The following EIF4G3 variants were observed in gnomAD, a reference collection of about 807,000 sequenced individuals.
EIF4G3 encodes eIF-4-gamma 3.
In EIF4G3, 34 loss-of-function variants were observed where a neutral mutation model predicts 186.4. The ratio of observed to expected loss-of-function variants is 0.18; its 90% CI spans 0.14 to 0.24. The LOEUF is 0.24. EIF4G3 is among the 10% of genes least tolerant of loss of function. The probability of loss-of-function intolerance (pLI) is 1.00; values close to 1 mark genes in which losing one functional copy is unlikely to be tolerated. For missense variants in EIF4G3, 1,536 were observed against 1,948.5 expected (o/e 0.79, Z 3.99); for synonymous variants, 673 against 679.5 (o/e 0.99, Z 0.15).
chr1:21,074,557 A>C (rs755559867), intron 3 of EIF4G3, among the ~76,000 whole-genome samples: 14 of 152,178 alleles, frequency 9.2e-5, no homozygotes, highest in Non-Finnish European at 1.9e-4. Flanking sequence ...ATATACATAA[A>C]TCTTCTTACA....
chr1:20,892,574 T>A, intron 18 of EIF4G3: 1 of 1,265,812 alleles, frequency 7.9e-7, no homozygotes, highest in Non-Finnish European at 1.1e-6. Context: ...GAAAATATTA[T>A]AACACCAGAG....
chr1:21,139,662 C>A (rs1206181156), intron 2 of EIF4G3, among the ~76,000 whole-genome samples: 1 of 152,146 alleles, frequency 6.6e-6, no homozygotes, highest in African/African-American at 2.4e-5. Context: ...TATGGTATAT[C>A]TAAAACTAAA....
At chr1:21,071,801 G>A (rs1463038089) in intron 3 of EIF4G3, among the ~76,000 whole-genome samples, 5 of 143,852 alleles carry the variant, frequency 3.5e-5, no homozygotes, top group African/African-American at 7.7e-5. Flanking sequence ...GCGAGGCTCC[G>A]TCTCAAAAAA....
At chr1:20,980,212 A>C in intron 10 of EIF4G3, 122 bp downstream of exon 10, 1 of 661,300 alleles carries the variant, frequency 1.5e-6, no homozygotes, top group Non-Finnish European at 2.5e-6. Flanking sequence ...AAGAACTGTT[A>C]GCAGCATGTT....
chr1:20,868,333 T>A (rs1416319131), intron 20 of EIF4G3, among the ~76,000 whole-genome samples: 1 of 152,116 alleles, frequency 6.6e-6, no homozygotes, highest in Non-Finnish European at 1.5e-5. Flanking sequence ...AAAATCAATG[T>A]ACTGGCAGAT....
At chr1:20,859,332 C>T (rs1026408969) in intron 24 of EIF4G3, among the ~76,000 whole-genome samples, 1 of 152,154 alleles carries the variant, frequency 6.6e-6, no homozygotes, top group Admixed American at 6.5e-5. Context: ...GGTACTAGAG[C>T]GAGGAAGGTA....
intron 2 of EIF4G3, among the ~76,000 whole-genome samples, chr1:21,141,783 TAGTC>T (rs1050482911): frequency 1.9e-4 from 29 of 152,124 alleles, no homozygotes; most frequent in African/African-American, 5.3e-4. Flanking sequence ...TTTTATAACT[TAGTC>T]AGCCGTGGTA....
chr1:21,152,323 C>T (rs1335280739), intron 2 of EIF4G3, among the ~76,000 whole-genome samples: 6 of 91,344 alleles, frequency 6.6e-5, no homozygotes, highest in Admixed American at 3.7e-4. Flanking sequence ...GGCAACAGAG[C>T]GAGACCCTGT....
chr1:20,907,468 G>A (rs2092408672), intron 14 of EIF4G3, among the ~76,000 whole-genome samples: 1 of 151,646 alleles, frequency 6.6e-6, no homozygotes, highest in African/African-American at 2.4e-5. Context: ...GTATACATGT[G>A]CCATGTTGGT....
intron 30 of EIF4G3, among the ~76,000 whole-genome samples, 190 bp from the exon 31 acceptor site, chr1:20,829,462 T>A (rs536062576): frequency 7.2e-5 from 11 of 152,198 alleles, no homozygotes; most frequent in African/African-American, 2.4e-4. Context: ...GGAAAAAGAC[T>A]AGAACAGACA....
intron 33 of EIF4G3, among the ~76,000 whole-genome samples, chr1:20,821,752 T>C (rs1042286799): frequency 6.6e-6 from 1 of 151,062 alleles, no homozygotes; most frequent in Non-Finnish European, 1.5e-5. Flanking sequence ...ATCTTCCCTA[T>C]TATGTATACT....
At chr1:21,024,701 T>A (rs2091767632) in intron 4 of EIF4G3, among the ~76,000 whole-genome samples, 1 of 149,964 alleles carries the variant, frequency 6.7e-6, no homozygotes, top group South Asian at 2.1e-4. Context: ...AGCATGCTCG[T>A]TAAGAGTCAT....
chr1:20,901,108 C>A (rs1274015651), intron 15 of EIF4G3, among the ~76,000 whole-genome samples: 1 of 152,094 alleles, frequency 6.6e-6, no homozygotes, highest in Non-Finnish European at 1.5e-5. Context: ...CACCACCCCA[C>A]ACCTATTCCC....
Position 20,807,263 on chromosome 1 carries a change from C to CT in EIF4G3, c.*55dup. 1 of 1,524,378 alleles carries CT rather than the reference C, an allele frequency of 6.6e-7. No homozygotes were observed. The highest frequency in any genetic ancestry group is 8.9e-7 in the Non-Finnish European group (1 of 1,125,324). The allele number at this position is 1,524,378 out of a possible 1,614,324, so 94.4% of individuals were successfully genotyped here. On this transcript the variant is annotated 3_prime_UTR_variant, in exon 37 of 37. Coordinates refer to ENST00000602326, the MANE Select transcript of EIF4G3 (RefSeq NM_001391906.1). The stretch of plus-strand genomic sequence containing the variant: ...CACTGTGATTGGCGAAGACGTGAAA[C>CT]TTTTTAAAAAAATACTTAAATTGTT...
intron 30 of EIF4G3, among the ~76,000 whole-genome samples, chr1:20,838,445 A>G (rs2067410697): frequency 6.6e-6 from 1 of 152,204 alleles, no homozygotes; most frequent in African/African-American, 2.4e-5. Context: ...CTAGGAAATT[A>G]TAGTTTCAAG....
chr1:21,020,973 T>C (rs893888828), intron 4 of EIF4G3, among the ~76,000 whole-genome samples: 1 of 147,344 alleles, frequency 6.8e-6, no homozygotes, highest in African/African-American at 2.5e-5. Flanking sequence ...CTGGCATTTA[T>C]TTCTTATTTA....
intron 12 of EIF4G3, among the ~76,000 whole-genome samples, chr1:20,955,986 A>G (rs1471798352): frequency 1.3e-5 from 2 of 152,188 alleles, no homozygotes; most frequent in Non-Finnish European, 2.9e-5. Context: ...TCATAATATA[A>G]TAATATATGA....
chr1:21,121,584 G>A (rs560042112), intron 2 of EIF4G3, among the ~76,000 whole-genome samples: 34 of 152,154 alleles, frequency 2.2e-4, no homozygotes, highest in Admixed American at 1.8e-3. Flanking sequence ...AGACCAGCCT[G>A]GCCAACATGC....
intron 14 of EIF4G3, chr1:20,941,246 T>C (rs2095701813): frequency 6.5e-7 from 1 of 1,541,472 alleles, no homozygotes; most frequent in Non-Finnish European, 8.7e-7. Context: ...CCAACATGTT[T>C]CGTGACATAT....
Sources: gnomAD v4.1 joint callset for allele counts (sites outside exome capture counted in the v4.1 genomes callset) on GRCh38, gnomAD v4.1.1 for gene constraint, MANE v1.5 for transcripts, NCBI Gene and HGNC (gene_info 2026-07-23, HGNC 2026-07-21) for gene names.